The following TSHZ2 variants were observed in gnomAD, a reference collection of about 807,000 sequenced individuals.
The protein encoded by TSHZ2 is teashirt zinc finger homeobox 2, also known as teashirt homolog 2.
TSHZ2 carries 21 observed loss-of-function variants against 74.4 expected under a neutral mutation model. The ratio of observed to expected loss-of-function variants is 0.28; its 90% CI spans 0.20 to 0.41. The LOEUF is 0.41. TSHZ2 is among the 10% of genes least tolerant of loss of function. The pLI, the probability that TSHZ2 is intolerant of heterozygous loss-of-function variation, is 1.00. For synonymous variants in TSHZ2, 540 were observed against 515.3 expected (o/e 1.05, Z -0.65); for missense variants, 1,244 against 1,293.5 (o/e 0.96, Z 0.59).
intron 2 of TSHZ2, among the ~76,000 whole-genome samples, chr20:53,414,649 C>T (rs768235055): frequency 3.9e-5 from 6 of 151,962 alleles, no homozygotes; most frequent in Non-Finnish European, 8.8e-5. Context: ...TAGAGCAAGA[C>T]CCTATCTCTT....
intron 2 of TSHZ2, among the ~76,000 whole-genome samples, chr20:53,297,409 C>T (rs1991399835): frequency 6.6e-6 from 1 of 152,046 alleles, no homozygotes; most frequent in Non-Finnish European, 1.5e-5. Flanking sequence ...ACCACCACGC[C>T]CAGCTAATGC....
At chr20:53,095,878 CT>C (rs1986025152) in intron 1 of TSHZ2, among the ~76,000 whole-genome samples, 1 of 152,106 alleles carries the variant, frequency 6.6e-6, no homozygotes, top group African/African-American at 2.4e-5. Context: ...GGATTATCAC[CT>C]CACAATTCAC....
intron 2 of TSHZ2, among the ~76,000 whole-genome samples, chr20:53,303,867 C>G (rs541774374): frequency 2.6e-5 from 4 of 152,212 alleles, no homozygotes; most frequent in African/African-American, 9.6e-5. Flanking sequence ...GTACCCAATA[C>G]ACATTTACTG....
chr20:53,365,769 G>C (rs1981236683), intron 2 of TSHZ2, among the ~76,000 whole-genome samples: 1 of 152,088 alleles, frequency 6.6e-6, no homozygotes, highest in African/African-American at 2.4e-5. Flanking sequence ...CCAAACCTTG[G>C]TCTCTCTTCT....
intron 1 of TSHZ2, among the ~76,000 whole-genome samples, chr20:53,149,176 AG>A (rs1390554843): frequency 1.4e-5 from 2 of 142,626 alleles, no homozygotes; most frequent in African/African-American, 5.2e-5. Flanking sequence ...CAGCTCTTTT[AG>A]GGTTTTTTTT....
intron 2 of TSHZ2, among the ~76,000 whole-genome samples, chr20:53,362,122 C>G (rs894254532): frequency 1.3e-5 from 2 of 152,024 alleles, no homozygotes; most frequent in African/African-American, 2.4e-5. Context: ...CCGCCTGGGC[C>G]TCCCGAAGTG....
At chr20:53,129,297 TGGTA>T (rs1568773406) in intron 1 of TSHZ2, among the ~76,000 whole-genome samples, 1 of 152,126 alleles carries the variant, frequency 6.6e-6, no homozygotes, top group African/African-American at 2.4e-5. Flanking sequence ...TGTGGGTACA[TGGTA>T]GATATATATA....
chr20:53,379,627 A>G (rs977784110), intron 2 of TSHZ2, among the ~76,000 whole-genome samples: 2 of 152,180 alleles, frequency 1.3e-5, no homozygotes, highest in Non-Finnish European at 2.9e-5. Flanking sequence ...TTGCCAAGCG[A>G]AGCCCAATGG....
At chr20:53,090,926 C>T (rs926600984) in intron 1 of TSHZ2, among the ~76,000 whole-genome samples, 5 of 152,126 alleles carry the variant, frequency 3.3e-5, no homozygotes, top group Non-Finnish European at 5.9e-5. Context: ...GACTTGATAC[C>T]ATTTAATATT....
intron 1 of TSHZ2, among the ~76,000 whole-genome samples, chr20:53,088,209 T>C (rs1311798988): frequency 6.6e-6 from 1 of 152,230 alleles, no homozygotes; most frequent in Admixed American, 6.5e-5. Context: ...TTGATTCATT[T>C]AGTAAGTTTT....
chr20:53,320,277 G>A (rs2145520261), intron 2 of TSHZ2, among the ~76,000 whole-genome samples: 1 of 152,264 alleles, frequency 6.6e-6, no homozygotes, highest in East Asian at 1.9e-4. Context: ...TGAGGCATAG[G>A]GAGGTTGAGT....
chr20:53,146,779 A>G (rs1987550344), intron 1 of TSHZ2, among the ~76,000 whole-genome samples: 1 of 152,208 alleles, frequency 6.6e-6, no homozygotes. Flanking sequence ...ACCAAGATAG[A>G]AACCAATACA....
In TSHZ2 at chr20:53,449,421, G is replaced by A. The variant is rs367730182; in HGVS notation, c.*9-37723G>A. Among the ~76,000 whole-genome samples the A allele has an allele frequency of 2.0e-5, 3 of 152,208 alleles. No individual in the cohort carries two copies. In the East Asian group the frequency reaches 5.8e-4, roughly 29 times the overall value. Reference sequence around the variant, plus strand: ...ATTTACTCATTCAACAAATATTTATGAGGCACCCACTATGTGTCAGGCACC... The same window carrying A: ...ATTTACTCATTCAACAAATATTTATAAGGCACCCACTATGTGTCAGGCACC... On this transcript the variant is annotated intron_variant, in intron 2 of 2. Transcript: ENST00000371497.
At chr20:53,334,973 C>T (rs553182393) in intron 2 of TSHZ2, among the ~76,000 whole-genome samples, 33 of 152,310 alleles carry the variant, frequency 2.2e-4, no homozygotes, top group Admixed American at 5.2e-4. Context: ...TGAGCCACCA[C>T]GCCCAGCCAG....
chr20:53,062,569 C>G (rs1247167485), intron 1 of TSHZ2, among the ~76,000 whole-genome samples: 1 of 152,166 alleles, frequency 6.6e-6, no homozygotes, highest in African/African-American at 2.4e-5. Flanking sequence ...TCCTCTGCAG[C>G]TTCCTCATCT....
chr20:53,238,765 C>G (rs1989996599), intron 1 of TSHZ2, among the ~76,000 whole-genome samples: 1 of 140,858 alleles, frequency 7.1e-6, no homozygotes, highest in Non-Finnish European at 1.5e-5. Flanking sequence ...TCCAATGTGT[C>G]TGTAAGGGAG....
chr20:53,489,425 G>A lies in TSHZ2; in HGVS notation c.*2290G>A. 1 of 339,356 alleles carries A rather than the reference G, an allele frequency of 2.9e-6. No homozygotes were observed. Among genetic ancestry groups the A allele is most frequent in the Non-Finnish European group, 5.8e-6 (1 of 172,606 alleles). The allele number at this position is 339,356 out of a possible 1,614,324, so 21.0% of individuals were successfully genotyped here. A position where few individuals can be genotyped will look rare whatever the true frequency, so the allele number is the denominator to read the frequency against. On this transcript the variant is annotated 3_prime_UTR_variant, in exon 3 of 3. Coordinates refer to ENST00000371497, the MANE Select transcript of TSHZ2 (RefSeq NM_173485.6). ...AAAGGAAAATCAATGCATTAGTATT[G>A]GGGTTCTCGTAGCTGTTAAAAATTG...
chr20:53,026,352 C>CTT (rs113816786), intron 1 of TSHZ2, among the ~76,000 whole-genome samples: 2,287 of 143,782 alleles, frequency 0.016, 49 homozygotes, highest in African/African-American at 0.054. Flanking sequence ...CTCTCATATT[C>CTT]TTTTTTTTTT....
chr20:53,085,058 T>G (rs1985655165), intron 1 of TSHZ2, among the ~76,000 whole-genome samples: 1 of 151,964 alleles, frequency 6.6e-6, no homozygotes, highest in African/African-American at 2.4e-5. Context: ...CATGGTGCAT[T>G]TGTTAAATAA....
Sources: allele counts gnomAD v4.1 joint callset (sites outside exome capture counted in the v4.1 genomes callset), GRCh38; gene constraint gnomAD v4.1.1; transcripts MANE v1.5; gene names NCBI Gene and HGNC (gene_info 2026-07-23, HGNC 2026-07-21).